The following GRIP2 variants were observed in gnomAD, a reference collection of about 807,000 sequenced individuals.
GRIP2 encodes the protein glutamate receptor-interacting protein 2.
Under a neutral mutation model 108.3 loss-of-function variants are expected in GRIP2, and 58 were observed. That is an observed-to-expected ratio of 0.54 (90% confidence interval 0.43 to 0.67). The LOEUF (loss-of-function observed/expected upper bound fraction) is 0.67. Among genes scored for constraint, GRIP2 ranks in the 30% least tolerant of loss-of-function variants. GRIP2 has a pLI of 0.00. For synonymous variants in GRIP2, 586 were observed against 598.2 expected, an observed-to-expected ratio of 0.98 and a Z score of 0.30; for missense variants, 1,278 against 1,430.6, an observed-to-expected ratio of 0.89 and a Z score of 1.72.
intron 9 of GRIP2, among the ~76,000 whole-genome samples, chr3:14,518,646 C>A (rs576831013): frequency 6.6e-6 from 1 of 152,212 alleles, no homozygotes; most frequent in African/African-American, 2.4e-5. Context: ...TCTCCTCTTG[C>A]GCGGATGGAC....
At chr3:14,600,202 C>T in the GRIP2 span, among the ~76,000 whole-genome samples, 29 of 152,140 alleles carry the variant, frequency 1.9e-4, no homozygotes, top group South Asian at 6.2e-4. Context: ...CTCTGACCAA[C>T]GAGCCCAACA....
intron 11 of GRIP2, 146 bp from the exon 12 acceptor site, chr3:14,514,624 A>T (rs140657436): frequency 1.6e-4 from 120 of 756,068 alleles, no homozygotes; most frequent in Non-Finnish European, 2.2e-4. Flanking sequence ...GACAGATCAC[A>T]GCTCACTCTG....
At chr3:14,549,815 G>A (rs145755923) in intron 1 of GRIP2, among the ~76,000 whole-genome samples, 1 of 152,172 alleles carries the variant, frequency 6.6e-6, no homozygotes, top group African/African-American at 2.4e-5. Flanking sequence ...CAGTTCTCTG[G>A]CTCCAAAGCC....
rs139740499 is a variant in GRIP2 at position 14,532,784 on chromosome 3, C to G, written c.41-6853G>C. On this transcript the variant is annotated intron_variant, in intron 1 of 23. Coordinates refer to ENST00000621039, the MANE Select transcript of GRIP2 (RefSeq NM_001080423.4). ...GGTGGGGCTCAACCTGGTTCCGGGCCGGATCCTGTAGAGTTGAGGGCGGGG... is the reference window on the plus strand; with the variant it reads ...GGTGGGGCTCAACCTGGTTCCGGGCGGGATCCTGTAGAGTTGAGGGCGGGG... 2.3e-3 allele frequency among the ~76,000 whole-genome samples: 349 copies of G among 151,676 alleles called. 1 individual carries two copies. The highest frequency in any genetic ancestry group is 0.016 in the South Asian group (76 of 4,782).
chr3:14,546,097 C>G (rs1039292087), upstream of GRIP2, among the ~76,000 whole-genome samples: 9 of 152,258 alleles, frequency 5.9e-5, 1 homozygote, highest in Admixed American at 2.0e-4. Flanking sequence ...CCCCAGGTCT[C>G]CTTCACCAGC....
chr3:14,505,838 C>T lies in GRIP2; in HGVS notation c.2399-49G>A. On this transcript the variant is annotated intron_variant, in intron 19 of 23. Coordinates refer to ENST00000621039, the MANE Select transcript of GRIP2 (RefSeq NM_001080423.4). The surrounding 1 kb of genome is among the most constrained non-coding windows in gnomAD (Gnocchi z 4.2). ...GTGTTCCCTGCGGCCTCACCTTGCC[C>T]TCCTGCCTGCCCCATTTCCAGCTGT... is the stretch of plus-strand genomic sequence containing the variant. The T allele has an allele frequency of 1.4e-6, 2 of 1,452,274 alleles. No individual in the cohort carries two copies. Among genetic ancestry groups the T allele is most frequent in the Non-Finnish European group, 9.1e-7 (1 of 1,097,820 alleles). 90.0% of individuals were successfully genotyped at this position (1,452,274 alleles called of 1,614,324 possible).
rs1458299713 is a variant in GRIP2, at chr3:14,507,482, G to A, written c.2218+79C>T. On this transcript the variant is annotated intron_variant, in intron 18 of 23. Coordinates refer to ENST00000621039, the MANE Select transcript of GRIP2 (RefSeq NM_001080423.4). This position sits in a 1 kb window ranked among gnomAD's most constrained non-coding sequence, Gnocchi z 4.6. ...GCTGCAGTGAGGACTCTGTGAGGGT[G>A]TGCAGGCAAAGCCTGGCACAGAGGG... 3.2e-6 allele frequency: 5 copies of A among 1,543,922 alleles called. No individual in the cohort carries two copies. Among genetic ancestry groups the A allele is most frequent in the Non-Finnish European group, 4.4e-6 (5 of 1,123,718 alleles).
chr3:14,577,846 GC>G, the GRIP2 span, among the ~76,000 whole-genome samples: 11 of 152,332 alleles, frequency 7.2e-5, no homozygotes, highest in South Asian at 2.1e-3. Flanking sequence ...GTGTCCCTCT[GC>G]CCTGATGTCA....
upstream of GRIP2, among the ~76,000 whole-genome samples, chr3:14,544,652 G>C (rs1695030225): frequency 6.6e-6 from 1 of 152,174 alleles, no homozygotes; most frequent in Admixed American, 6.5e-5. Flanking sequence ...TTATTGCTCT[G>C]GGCTGTCCGT....
upstream of GRIP2, among the ~76,000 whole-genome samples, chr3:14,544,244 C>T (rs547259852): frequency 6.4e-4 from 98 of 152,294 alleles, no homozygotes; most frequent in African/African-American, 2.4e-3. Flanking sequence ...AACGCAGGGC[C>T]AGGCCTGCAG....
chr3:14,544,187 G>A (rs1194754386), upstream of GRIP2, among the ~76,000 whole-genome samples: 1 of 152,168 alleles, frequency 6.6e-6, no homozygotes, highest in Non-Finnish European at 1.5e-5. Flanking sequence ...GAGGATCAGA[G>A]ACCTTGGAAG....
chr3:14,561,037 G>A (rs1256441258), upstream of GRIP2, among the ~76,000 whole-genome samples: 2 of 152,232 alleles, frequency 1.3e-5, no homozygotes, highest in Admixed American at 1.3e-4. Flanking sequence ...CAGTTCGACT[G>A]GAAGATCAGG....
chr3:14,518,908 A>G lies in GRIP2; in HGVS notation c.1031-1011T>C, dbSNP rs556174912. 2.0e-5 allele frequency among the ~76,000 whole-genome samples: 3 copies of G among 152,334 alleles called. No homozygotes were observed. In the East Asian group the frequency reaches 5.8e-4, roughly 29 times the overall value. The stretch of plus-strand genomic sequence containing the variant: ...GGGAGGGTTAGAATGAGTTAATAAT[A>G]TAACATGCTTAGAGCAGTGCCTGGC... On this transcript the variant is annotated intron_variant, in intron 9 of 23. Coordinates refer to ENST00000621039, the MANE Select transcript of GRIP2 (RefSeq NM_001080423.4).
chr3:14,505,785 G>C lies in GRIP2; in HGVS notation c.2403C>G (p.Ser801=). Residue 801 remains serine, a synonymous_variant, in exon 20 of 24, where the codon TCC becomes TCG. Coordinates refer to ENST00000621039, the MANE Select transcript of GRIP2 (RefSeq NM_001080423.4). The surrounding 1 kb of genome is among the most constrained non-coding windows in gnomAD (Gnocchi z 4.2). ...ATEGGFGGPG[S]YTPQAAARGT... ...CCCGGGCTGCTGCCTGTGGTGTATA[G>C]GACCCTGGTGGTGGAGAGAGGGCCT... 1 of 1,524,274 alleles carries C rather than the reference G, an allele frequency of 6.6e-7. No individual in the cohort carries two copies. Among genetic ancestry groups the C allele is most frequent in the Non-Finnish European group, 8.8e-7 (1 of 1,137,650 alleles). The allele number at this position is 1,524,274 out of a possible 1,614,324, so 94.4% of individuals were successfully genotyped here.
intron 1 of GRIP2, among the ~76,000 whole-genome samples, chr3:14,529,758 G>A (rs1284238441): frequency 6.6e-6 from 1 of 152,098 alleles, no homozygotes; most frequent in Non-Finnish European, 1.5e-5. Context: ...TCTGCCTAGT[G>A]TCTGATGACT....
the GRIP2 span, among the ~76,000 whole-genome samples, chr3:14,601,516 G>A: frequency 6.6e-6 from 1 of 152,170 alleles, no homozygotes; most frequent in East Asian, 1.9e-4. Context: ...TGCTCCATCC[G>A]CACCAACTCA....
intron 10 of GRIP2, 55 bp downstream of exon 10, chr3:14,517,717 C>T (rs575918116): frequency 1.3e-5 from 20 of 1,596,866 alleles, no homozygotes; most frequent in Admixed American, 1.7e-5. Context: ...GGCATCGCCC[C>T]CTCCCTAGGA....
chr3:14,585,314 C>A, the GRIP2 span, among the ~76,000 whole-genome samples: 507 of 152,358 alleles, frequency 3.3e-3, 9 homozygotes, highest in African/African-American at 0.011. Context: ...AGCCACCACG[C>A]CTGGCCATAT....
Position 14,514,379 on chromosome 3 carries a change from A to G in GRIP2, c.1406T>C (p.Leu469Pro), listed in dbSNP as rs867728880. The stretch of plus-strand genomic sequence containing the variant: ...GGCGAAGATGCCGCCCTGGAGCTGG[A>G]GGCCAAAGCCGCTGAGGGGGTCTCC... ...LCGDPLSGFG[L>P]QLQGGIFATE... Residue 469 changes from leucine to proline, a missense_variant, in exon 12 of 24, where the codon CTC (leucine) becomes CCC (proline). Physicochemically the swap from Leu to Pro is moderately conservative, Grantham distance 98. Transcript: ENST00000621039. The G allele has an allele frequency of 6.3e-7, 1 of 1,576,074 alleles. No individual in the cohort carries two copies. Among genetic ancestry groups the G allele is most frequent in the East Asian group, 2.3e-5 (1 of 42,770 alleles).
Sources: gnomAD v4.1 joint callset for allele counts (sites outside exome capture counted in the v4.1 genomes callset) on GRCh38, gnomAD v4.1.1 for gene constraint, Gnocchi (gnomAD v3.1) non-coding constraint, MANE v1.5 for transcripts, NCBI Gene and HGNC (gene_info 2026-07-23, HGNC 2026-07-21) for gene names.